Variants in MAGI2 observed in about 807,000 individuals in gnomAD.
MAGI2 encodes the protein membrane-associated guanylate kinase, WW and PDZ domain-containing protein 2.
MAGI2 carries 35 observed loss-of-function variants against 133.3 expected under a neutral mutation model. The observed-to-expected ratio is 0.26, with a 90% confidence interval of 0.20 to 0.35. The LOEUF is 0.35. Ranked by LOEUF, MAGI2 falls within the 10% of genes least tolerant of loss-of-function variation. MAGI2 has a pLI of 1.00. For missense variants in MAGI2, 1,636 were observed against 1,863.4 expected (o/e 0.88, Z 2.25); for synonymous variants, 729 against 710.6 (o/e 1.03, Z -0.41).
intron 1 of MAGI2, among the ~76,000 whole-genome samples, chr7:79,374,744 A>C (rs1014571472): frequency 1.3e-5 from 2 of 152,032 alleles, no homozygotes; most frequent in African/African-American, 4.8e-5. Flanking sequence ...AAAATTAGAA[A>C]GAAACATTTC....
At chr7:79,359,958 A>G (rs1471445804) in intron 1 of MAGI2, among the ~76,000 whole-genome samples, 1 of 152,192 alleles carries the variant, frequency 6.6e-6, no homozygotes, top group African/African-American at 2.4e-5. Context: ...TTCAAAGTGT[A>G]AATAAAATAT....
rs1795916117 is a variant in MAGI2 at position 78,391,763 on chromosome 7, T to TA, written c.1046-22551dup. On this transcript the variant is annotated intron_variant, in intron 6 of 21. Transcript: ENST00000354212. The stretch of plus-strand genomic sequence containing the variant: ...ATTTATGATAATGCCATCTTTCCCC[T>TA]ATAAAGATGACACTATTGGCATCAC... Among the ~76,000 whole-genome samples the TA allele has an allele frequency of 2.0e-5, 3 of 152,332 alleles. No homozygotes were observed. The South Asian group carries it at 6.2e-4, about 32-fold the overall frequency.
intron 1 of MAGI2, among the ~76,000 whole-genome samples, chr7:79,136,001 A>AAG (rs375189000): frequency 2.0e-4 from 7 of 35,770 alleles, no homozygotes; most frequent in African/African-American, 7.0e-4. Context: ...GAAAGAAAGA[A>AAG]AGAGAAAGAA....
chr7:78,955,724 T>TCTTTCTTTCTTCCTTCCTTC (rs1802273807), intron 2 of MAGI2, among the ~76,000 whole-genome samples: 2 of 20,944 alleles, frequency 9.5e-5, no homozygotes, highest in African/African-American at 2.7e-4. Flanking sequence ...TCTTTCTTTC[T>TCTTTCTTTCTTCCTTCCTTC]CTTTCTTTCT....
intron 1 of MAGI2, among the ~76,000 whole-genome samples, chr7:79,396,604 G>A (rs1845072981): frequency 6.6e-6 from 1 of 152,098 alleles, no homozygotes; most frequent in Non-Finnish European, 1.5e-5. Flanking sequence ...TCTAATCTGA[G>A]TTGAGAATTA....
intron 1 of MAGI2, among the ~76,000 whole-genome samples, chr7:79,053,129 C>G (rs1024676345): frequency 6.6e-6 from 1 of 151,970 alleles, no homozygotes; most frequent in African/African-American, 2.4e-5. Flanking sequence ...CCCACCACCA[C>G]GCCCGGCTAA....
intron 1 of MAGI2, among the ~76,000 whole-genome samples, chr7:79,096,420 C>T (rs1817522988): frequency 6.6e-6 from 1 of 152,140 alleles, no homozygotes; most frequent in South Asian, 2.1e-4. Context: ...TATTGCTAGT[C>T]CCTGGGTGCA....
chr7:78,536,571 A>G (rs975077073), intron 3 of MAGI2, among the ~76,000 whole-genome samples: 3 of 152,112 alleles, frequency 2.0e-5, no homozygotes, highest in Non-Finnish European at 4.4e-5. Flanking sequence ...GAAAAACAGA[A>G]AACAGAGTAA....
At chr7:78,910,820 T>A (rs1215496543) in intron 2 of MAGI2, among the ~76,000 whole-genome samples, 1 of 152,208 alleles carries the variant, frequency 6.6e-6, no homozygotes, top group Non-Finnish European at 1.5e-5. Flanking sequence ...TTGAGCAAAG[T>A]AAAATCTTGA....
intron 1 of MAGI2, among the ~76,000 whole-genome samples, chr7:79,167,397 C>CA (rs10542271): frequency 0.059 from 4,978 of 84,476 alleles, 369 homozygotes; most frequent in African/African-American, 0.17. Context: ...CCAAAAATGG[C>CA]AAAAAAAAAA....
Position 79,096,456 on chromosome 7 carries a change from T to G in MAGI2, c.302-89250A>C, listed in dbSNP as rs147755682. ...TCACCAGCCTGAGTTCATTGTCATA[T>G]GCACACATCATGGCCTAATCCTGCC... On this transcript the variant is annotated intron_variant, in intron 1 of 21. Coordinates refer to ENST00000354212, the MANE Select transcript of MAGI2 (RefSeq NM_012301.4). Among the ~76,000 whole-genome samples, 171 of 152,282 alleles carry G rather than the reference T, an allele frequency of 1.1e-3. 1 individual carries two copies. The highest frequency in any genetic ancestry group is 3.9e-3 in the African/African-American group (164 of 41,554).
intron 10 of MAGI2, chr7:78,253,843 C>G (rs997145125): frequency 6.6e-6 from 1 of 152,174 alleles, no homozygotes; most frequent in African/African-American, 2.4e-5. Flanking sequence ...AGGCCTGCGA[C>G]TCAGCTCTTG....
Position 78,173,683 on chromosome 7 carries a change from C to T in MAGI2, c.2403+4328G>A, listed in dbSNP as rs577777955. Among the ~76,000 whole-genome samples the T allele has an allele frequency of 1.3e-3, 197 of 152,236 alleles. 1 individual carries two copies. Among genetic ancestry groups the T allele is most frequent in the South Asian group, 4.1e-3 (20 of 4,830 alleles). ...GGTTAGGTTTTGTAATTATCTGGCC[C>T]TGGTTGAAGGCTCAATTGGCATAAA... On this transcript the variant is annotated intron_variant, in intron 14 of 21. Transcript: ENST00000354212.
intron 1 of MAGI2, among the ~76,000 whole-genome samples, chr7:79,117,513 C>A (rs3919522): frequency 0.072 from 11,016 of 152,088 alleles, 767 homozygotes; most frequent in African/African-American, 0.18. Flanking sequence ...CTTCTTATTT[C>A]ATTTTTGGTA....
intron 6 of MAGI2, chr7:78,486,096 A>T (rs968521767): frequency 6.6e-6 from 1 of 152,114 alleles, no homozygotes; most frequent in Non-Finnish European, 1.5e-5. Flanking sequence ...TGGCCTGGGA[A>T]GAAGGCCGCT....
intron 1 of MAGI2, among the ~76,000 whole-genome samples, chr7:79,251,584 A>G (rs932786556): frequency 1.3e-5 from 2 of 152,182 alleles, no homozygotes; most frequent in African/African-American, 2.4e-5. Flanking sequence ...ACAGACAATA[A>G]CAAATGCTGG....
intron 2 of MAGI2, among the ~76,000 whole-genome samples, chr7:78,920,901 A>G (rs1302939752): frequency 1.3e-5 from 2 of 152,182 alleles, no homozygotes; most frequent in African/African-American, 4.8e-5. Context: ...TTGTTTTTAT[A>G]CAAGACTTAA....
At chr7:78,919,956 T>C (rs993218451) in intron 2 of MAGI2, among the ~76,000 whole-genome samples, 2 of 152,136 alleles carry the variant, frequency 1.3e-5, no homozygotes, top group African/African-American at 4.8e-5. Context: ...GATTTCATTT[T>C]CTACTTAAGA....
intron 1 of MAGI2, among the ~76,000 whole-genome samples, chr7:79,113,811 TACAC>T (rs3047688): frequency 1.2e-3 from 174 of 148,990 alleles, no homozygotes; most frequent in African/African-American, 2.8e-3. Flanking sequence ...TACACACGCT[TACAC>T]ACACACACAC....
Sources: allele counts gnomAD v4.1 joint callset (sites outside exome capture counted in the v4.1 genomes callset), GRCh38; gene constraint gnomAD v4.1.1; transcripts MANE v1.5; gene names NCBI Gene and HGNC (gene_info 2026-07-23, HGNC 2026-07-21).